The following EFCAB6 variants were observed in gnomAD, a reference collection of about 807,000 sequenced individuals.
EFCAB6 encodes EF-hand calcium binding domain 6.
Under a neutral mutation model 169.8 loss-of-function variants are expected in EFCAB6, and 156 were observed. That is an observed-to-expected ratio of 0.92 (90% CI 0.81 to 1.05). The LOEUF is 1.05. EFCAB6 is among the 50% of genes least tolerant of loss of function. The pLI is 0.00. For missense variants in EFCAB6, 1,800 were observed against 1,829.1 expected, an observed-to-expected ratio of 0.98 and a Z score of 0.29; for synonymous variants, 698 against 676.4, an observed-to-expected ratio of 1.03 and a Z score of -0.50.
chr22:43,802,813 G>T, intron 2 of EFCAB6: 1 of 466,278 alleles, frequency 2.1e-6, no homozygotes, highest in South Asian at 1.7e-5. Flanking sequence ...TACCTCTGAT[G>T]ACTGTACAGT....
intron 9 of EFCAB6, among the ~76,000 whole-genome samples, chr22:43,714,436 C>A (rs970108894): frequency 2.0e-5 from 3 of 151,908 alleles, no homozygotes; most frequent in South Asian, 2.1e-4. Context: ...AAAGGAAGAA[C>A]TGAATCTGTC....
intron 2 of EFCAB6, among the ~76,000 whole-genome samples, chr22:43,805,427 T>TA (rs2062883203): frequency 6.6e-6 from 1 of 152,138 alleles, no homozygotes; most frequent in Non-Finnish European, 1.5e-5. Context: ...ACATTCTGAT[T>TA]AAAAAATGAG....
intron 2 of EFCAB6, among the ~76,000 whole-genome samples, chr22:43,806,059 G>T (rs1054739880): frequency 6.6e-6 from 1 of 151,708 alleles, no homozygotes; most frequent in East Asian, 2.0e-4. Flanking sequence ...CCAGCTACTC[G>T]GGAGGCTAAG....
intron 31 of EFCAB6, among the ~76,000 whole-genome samples, chr22:43,529,689 C>T (rs2046943367): frequency 6.6e-6 from 1 of 152,100 alleles, no homozygotes; most frequent in South Asian, 2.1e-4. Flanking sequence ...CCAGCAGCCA[C>T]CTTGGATCAT....
rs1249603193 is a variant in EFCAB6 at position 43,720,559 on chromosome 22, CAA to C, written c.758-3589_758-3588del. On this transcript the variant is annotated intron_variant, in intron 8 of 31. Coordinates refer to ENST00000262726, the MANE Select transcript of EFCAB6 (RefSeq NM_022785.4). ...AATGAAGACTAAACTAAAAGAAACA[CAA>C]GAGCAAATAAACACAATAGTAATAG... 4.0e-5 allele frequency among the ~76,000 whole-genome samples: 6 copies of C among 150,378 alleles called. No individual in the cohort carries two copies. In the South Asian group the frequency reaches 1.1e-3, roughly 27 times the overall value.
chr22:43,677,556 G>T (rs1303386757), intron 13 of EFCAB6, among the ~76,000 whole-genome samples: 1 of 152,154 alleles, frequency 6.6e-6, no homozygotes, highest in Non-Finnish European at 1.5e-5. Context: ...TGAGGCAGGA[G>T]AATTGCTTGA....
At chr22:43,549,075 T>G (rs2048240860) in intron 27 of EFCAB6, among the ~76,000 whole-genome samples, 2 of 152,186 alleles carry the variant, frequency 1.3e-5, no homozygotes, top group Non-Finnish European at 2.9e-5. Context: ...GAGAACTGAA[T>G]TATAATTTTA....
chr22:43,555,185 A>C, intron 26 of EFCAB6, 89 bp from the exon 27 acceptor site: 2 of 1,393,990 alleles, frequency 1.4e-6, no homozygotes, highest in Non-Finnish European at 2.0e-6. Flanking sequence ...AGTTGCAGGG[A>C]GACCCAGCGT....
rs2062759346 is a variant in EFCAB6, at chr22:43,802,490, C to T, written c.-8+6505G>A. ...AGGTTGCAGTGAGCCTAGATCATGCCACTGCACTTCAACCTGGGTGACAGA... is the reference window on the plus strand; with the variant it reads ...AGGTTGCAGTGAGCCTAGATCATGCTACTGCACTTCAACCTGGGTGACAGA... On this transcript the variant is annotated intron_variant, in intron 2 of 31. Transcript: ENST00000262726. 4 of 307,416 alleles carry T rather than the reference C, an allele frequency of 1.3e-5. No individual in the cohort carries two copies. In the Admixed American group the frequency reaches 1.6e-4, roughly 13 times the overall value. The allele number at this position is 307,416 out of a possible 1,614,324, so 19.0% of individuals were successfully genotyped here.
At chr22:43,687,019 T>C (rs1439831509) in intron 11 of EFCAB6, among the ~76,000 whole-genome samples, 2 of 152,232 alleles carry the variant, frequency 1.3e-5, no homozygotes, top group East Asian at 3.8e-4. Context: ...CCATGACCCA[T>C]GATATCTGGG....
At chr22:43,550,788 G>T (rs1175908117) in intron 27 of EFCAB6, among the ~76,000 whole-genome samples, 1 of 152,018 alleles carries the variant, frequency 6.6e-6, no homozygotes, top group East Asian at 1.9e-4. Flanking sequence ...GCAAAAAGAG[G>T]CCCTTGCTGT....
At chr22:43,678,834 G>A (rs781469038) in intron 12 of EFCAB6, among the ~76,000 whole-genome samples, 3 of 152,168 alleles carry the variant, frequency 2.0e-5, no homozygotes, top group Non-Finnish European at 2.9e-5. Flanking sequence ...CTCATACGGA[G>A]ACAGTGAATA....
chr22:43,787,588 T>TA (rs1660590229), intron 2 of EFCAB6, among the ~76,000 whole-genome samples: 6 of 152,100 alleles, frequency 3.9e-5, no homozygotes, highest in Admixed American at 3.9e-4. Context: ...AACTACACAA[T>TA]ATTGTTGAAA....
intron 4 of EFCAB6, among the ~76,000 whole-genome samples, chr22:43,769,886 C>T (rs1221081491): frequency 6.0e-5 from 9 of 150,226 alleles, no homozygotes; most frequent in Admixed American, 6.0e-4. Flanking sequence ...TGGAGTTTTG[C>T]TCTTGTTGCC....
At chr22:43,682,382 C>A (rs1171336918) in intron 12 of EFCAB6, among the ~76,000 whole-genome samples, 4 of 152,198 alleles carry the variant, frequency 2.6e-5, no homozygotes, top group African/African-American at 9.6e-5. Context: ...AATAGCACAA[C>A]AATGACTTTT....
chr22:43,650,192 T>G (rs755242151), intron 17 of EFCAB6, among the ~76,000 whole-genome samples: 1 of 152,182 alleles, frequency 6.6e-6, no homozygotes, highest in Non-Finnish European at 1.5e-5. Context: ...GTGATATGGT[T>G]TGGCTGTGTC....
At chr22:43,680,496 C>T (rs1406033700) in intron 12 of EFCAB6, among the ~76,000 whole-genome samples, 1 of 151,362 alleles carries the variant, frequency 6.6e-6, no homozygotes, top group Admixed American at 6.6e-5. Context: ...AAAAAAAAGC[C>T]AGCTGGGATG....
At chr22:43,738,559 GCA>G (rs765395064) in intron 6 of EFCAB6, among the ~76,000 whole-genome samples, 17 of 149,268 alleles carry the variant, frequency 1.1e-4, no homozygotes, top group African/African-American at 3.5e-4. Context: ...ATACTCACAT[GCA>G]CACACACTTG....
intron 4 of EFCAB6, among the ~76,000 whole-genome samples, chr22:43,771,935 T>A (rs2061482405): frequency 6.6e-6 from 1 of 152,234 alleles, no homozygotes; most frequent in Non-Finnish European, 1.5e-5. Context: ...GGCAGGCGGA[T>A]GCAGGCATCC....
Sources: gnomAD v4.1 joint callset for allele counts (sites outside exome capture counted in the v4.1 genomes callset) on GRCh38, gnomAD v4.1.1 for gene constraint, MANE v1.5 for transcripts, NCBI Gene and HGNC (gene_info 2026-07-23, HGNC 2026-07-21) for gene names.